ZNF844: variants seen among roughly 807,000 people sequenced by gnomAD.
ZNF844 encodes the protein zinc finger protein 844.
In ZNF844, 11 loss-of-function variants were observed where a neutral mutation model predicts 11.4. The observed-to-expected ratio is 0.97, with a 90% CI of 0.61 to 1.60. The LOEUF (loss-of-function observed/expected upper bound fraction) is 1.60, where lower values mean the gene tolerates loss of function less well. Ranked by LOEUF, ZNF844 falls within the 40% of genes most tolerant of loss-of-function variation. The probability of loss-of-function intolerance (pLI) is 0.00; values close to 1 mark genes in which losing one functional copy is unlikely to be tolerated. For synonymous variants in ZNF844, 248 were observed against 260.3 expected (o/e 0.95, Z 0.46); for missense variants, 790 against 796.8 (o/e 0.99, Z 0.10).
intron 1 of ZNF844, among the ~76,000 whole-genome samples, chr19:12,072,836 C>T (rs562817951): frequency 5.9e-5 from 9 of 152,222 alleles, no homozygotes; most frequent in East Asian, 5.8e-4. Context: ...CCACCCACCT[C>T]GGCCTCCCAA....
At position 12,079,060 on chromosome 19, in the gene ZNF844, G is replaced by A. The variant is rs1382266933; in HGVS notation, c.*1939G>A. 6.6e-6 allele frequency: 1 copy of A among 151,834 alleles called. No homozygotes were observed. The highest frequency in any genetic ancestry group is 1.5e-5 in the Non-Finnish European group (1 of 68,012). 9.4% of individuals were successfully genotyped at this position (151,834 alleles called of 1,614,324 possible). A position where few individuals can be genotyped will look rare whatever the true frequency, so the allele number is the denominator to read the frequency against. On this transcript the variant is annotated 3_prime_UTR_variant, in exon 4 of 4. Coordinates refer to ENST00000439326, the MANE Select transcript of ZNF844 (RefSeq NM_001136501.3). ...AGACGGGGCTTCACTATGTTGGCCA[G>A]GTTCGTCTCGAACTCCTGACCTCAG...
At chr19:12,069,903 C>T (rs1975734751) in intron 1 of ZNF844, among the ~76,000 whole-genome samples, 1 of 141,740 alleles carries the variant, frequency 7.1e-6, no homozygotes, top group African/African-American at 2.7e-5. Context: ...TGCGGAGAGC[C>T]AAGTTTGCGC....
In ZNF844 at chr19:12,080,289, G is replaced by A; in HGVS notation, c.*3168G>A. The stretch of plus-strand genomic sequence containing the variant: ...GGCGTGAATCCAGGAGGCAGAGCTT[G>A]CAGTGAACCGAGATCGCGCCACTGC... On this transcript the variant is annotated 3_prime_UTR_variant, in exon 4 of 4. Transcript: ENST00000439326. 1 of 249,008 alleles carries A rather than the reference G, an allele frequency of 4.0e-6. No homozygotes were observed. The highest frequency in any genetic ancestry group is 7.7e-6 in the Non-Finnish European group (1 of 129,632). 15.4% of individuals were successfully genotyped at this position (249,008 alleles called of 1,614,324 possible). A position where few individuals can be genotyped will look rare whatever the true frequency, so the allele number is the denominator to read the frequency against.
chr19:12,068,308 CAAAAAAT>C (rs1792859949), intron 1 of ZNF844, among the ~76,000 whole-genome samples: 2 of 151,474 alleles, frequency 1.3e-5, no homozygotes, highest in Non-Finnish European at 2.9e-5. Context: ...GAAACTGTCT[CAAAAAAT>C]AAAAATAGAG....
chr19:12,075,720 GT>G lies in ZNF844; in HGVS notation c.604del (p.Cys202ValfsTer128). On this transcript the variant is annotated frameshift_variant, in exon 4 of 4. Transcript: ENST00000439326. LOFTEE classifies it low-confidence loss of function (END_TRUNC). The part of the protein sequence containing the change: ...HNGDGTYKCK[F>X]CGKACPCLSI... Reference sequence around the variant, plus strand: ...ATGGAGATGGAACTTATAAATGTAAGTTTTGTGGGAAAGCCTGCCCTTGTCT... The same window carrying G: ...ATGGAGATGGAACTTATAAATGTAAGTTTGTGGGAAAGCCTGCCCTTGTCT... 2 of 1,613,962 alleles carry G rather than the reference GT, an allele frequency of 1.2e-6. No homozygotes were observed. Among genetic ancestry groups the G allele is most frequent in the Non-Finnish European group, 1.7e-6 (2 of 1,179,970 alleles).
intron 1 of ZNF844, among the ~76,000 whole-genome samples, chr19:12,065,093 C>A (rs1975673245): frequency 6.6e-6 from 1 of 151,492 alleles, no homozygotes; most frequent in African/African-American, 2.4e-5. Context: ...CCTGTCTCGT[C>A]GCCGCGCGGC....
chr19:12,073,316 C>G (rs928840854), intron 1 of ZNF844, among the ~76,000 whole-genome samples: 5 of 152,082 alleles, frequency 3.3e-5, no homozygotes, highest in African/African-American at 1.2e-4. Flanking sequence ...TACACCACCA[C>G]GCCCAGCTAA....
Position 12,075,996 on chromosome 19 carries a change from G to C in ZNF844, c.876G>C (p.Trp292Cys). The C allele has an allele frequency of 6.3e-7, 1 of 1,581,266 alleles. No homozygotes were observed. Among genetic ancestry groups the C allele is most frequent in the Non-Finnish European group, 8.6e-7 (1 of 1,163,368 alleles). Residue 292 changes from tryptophan to cysteine, a missense_variant, in exon 4 of 4, where the codon TGG (tryptophan) becomes TGC (cysteine). Physicochemically the swap from Trp to Cys is radical, Grantham distance 215. Around this residue, in one of 3 missense-constraint regions of ZNF844, gnomAD observed 657 missense variants for 636.2 expected, o/e 1.03. Transcript: ENST00000439326. ...AACAATGTGGAAAAGCCTTCAGATG[G>C]TTCCATTCCTTTCAAATACATGAAA... ...ECKQCGKAFR[W>C]FHSFQIHERT... is the part of the protein sequence containing the mutation.
intron 1 of ZNF844, chr19:12,070,302 A>G (rs1728163796): frequency 6.6e-6 from 1 of 152,202 alleles, no homozygotes; most frequent in African/African-American, 2.4e-5. Context: ...ATTTCACAAG[A>G]TAATTCACCA....
intron 1 of ZNF844, chr19:12,070,149 A>G (rs1975739704): frequency 1.3e-5 from 2 of 151,870 alleles, no homozygotes; most frequent in African/African-American, 4.8e-5. Flanking sequence ...AAAAAAAAAA[A>G]AAAGAAACTG....
chr19:12,077,600 G>A lies in ZNF844; in HGVS notation c.*479G>A, dbSNP rs1975846136. 3 of 559,966 alleles carry A rather than the reference G, an allele frequency of 5.4e-6. No homozygotes were observed. The highest frequency in any genetic ancestry group is 7.0e-6 in the Non-Finnish European group (2 of 285,144). The allele number at this position is 559,966 out of a possible 1,614,324, so 34.7% of individuals were successfully genotyped here. On this transcript the variant is annotated 3_prime_UTR_variant, in exon 4 of 4. Coordinates refer to ENST00000439326, the MANE Select transcript of ZNF844 (RefSeq NM_001136501.3). ...TCAGATCTGCCACTCAACTTCAGAT[G>A]CATAGAAAGATTCACACTGGCGAGA...
chr19:12,075,611 C>T lies in ZNF844; in HGVS notation c.491C>T (p.Thr164Ile), dbSNP rs750809823. ...TTTCAAATGCAAGAAAAGGCTCACA[C>T]TGGAGAAAAACTCTATGATTGTAAA... is the stretch of plus-strand genomic sequence containing the variant. ...PSFQMQEKAH[T>I]GEKLYDCKEC... is the part of the protein sequence containing the mutation. Residue 164 changes from threonine (T) to isoleucine (I), a missense_variant, in exon 4 of 4, where the codon ACT (threonine) becomes ATT (isoleucine). Physicochemically the swap from Thr to Ile is moderately conservative, Grantham distance 89. Transcript: ENST00000439326. 99 of 1,613,344 alleles carry T rather than the reference C, an allele frequency of 6.1e-5. No individual in the cohort carries two copies. Among genetic ancestry groups the T allele is most frequent in the Non-Finnish European group, 8.1e-5 (96 of 1,179,840 alleles).
In ZNF844 at chr19:12,075,870, G is replaced by A; in HGVS notation, c.750G>A (p.Glu250=). The change falls in exon 4 of 4, where the codon GAG becomes GAA. Residue 250 remains glutamate (E), a synonymous_variant. Transcript: ENST00000439326. ...LQIHERTHTG[E]KPYECKECGK... Reference sequence around the variant, plus strand: ...TACATGAAAGAACTCACACTGGAGAGAAGCCTTATGAATGTAAGGAATGTG... The same window carrying A: ...TACATGAAAGAACTCACACTGGAGAAAAGCCTTATGAATGTAAGGAATGTG... 1 of 1,611,390 alleles carries A rather than the reference G, an allele frequency of 6.2e-7. No individual in the cohort carries two copies. The highest frequency in any genetic ancestry group is 8.5e-7 in the Non-Finnish European group (1 of 1,178,722).
intron 3 of ZNF844, among the ~76,000 whole-genome samples, chr19:12,074,695 A>T (rs1190724709): frequency 6.6e-6 from 1 of 152,158 alleles, no homozygotes; most frequent in Non-Finnish European, 1.5e-5. Context: ...TTCATCTCAA[A>T]CAAAGAACTA....
chr19:12,064,978 C>G, intron 1 of ZNF844, 102 bp downstream of exon 1: 1 of 1,318,838 alleles, frequency 7.6e-7, no homozygotes, highest in Non-Finnish European at 1.0e-6. Flanking sequence ...CGGACCTCCC[C>G]GCGGCGACTC....
rs147997941 is a variant in ZNF844, at chr19:12,066,186, A to G, written c.3+1310A>G. 6.0e-4 allele frequency among the ~76,000 whole-genome samples: 92 copies of G among 152,082 alleles called. 9 individuals carry two copies. The East Asian group carries it at 0.017, about 28-fold the overall frequency. ...AGCGATCTGCTCACCTCGGCCCCCC[A>G]AAGTGCTGGGTTTACAGGTGTGAGC... On this transcript the variant is annotated intron_variant, in intron 1 of 3. Coordinates refer to ENST00000439326, the MANE Select transcript of ZNF844 (RefSeq NM_001136501.3).
rs1412290080 is a variant in ZNF844, at chr19:12,080,299, G to A, written c.*3178G>A. The A allele has an allele frequency of 4.0e-6, 1 of 247,288 alleles. No homozygotes were observed. The highest frequency in any genetic ancestry group is 7.7e-6 in the Non-Finnish European group (1 of 130,272). 15.3% of individuals were successfully genotyped at this position (247,288 alleles called of 1,614,324 possible). The stretch of plus-strand genomic sequence containing the variant: ...CAGGAGGCAGAGCTTGCAGTGAACC[G>A]AGATCGCGCCACTGCACTCCAGCGG... On this transcript the variant is annotated 3_prime_UTR_variant, in exon 4 of 4. Transcript: ENST00000439326.
intron 1 of ZNF844, among the ~76,000 whole-genome samples, chr19:12,067,246 C>T (rs1975699068): frequency 6.6e-6 from 1 of 151,838 alleles, no homozygotes; most frequent in African/African-American, 2.4e-5. Context: ...GCCAGTCAGT[C>T]AAGGCTGCAC....
At position 12,064,786 on chromosome 19, in the gene ZNF844, A is replaced by G. The variant is rs1486988366; in HGVS notation, c.-88A>G. 1 of 1,454,176 alleles carries G rather than the reference A, an allele frequency of 6.9e-7. No individual in the cohort carries two copies. The highest frequency in any genetic ancestry group is 9.3e-7 in the Non-Finnish European group (1 of 1,073,056). The allele number at this position is 1,454,176 out of a possible 1,614,324, so 90.1% of individuals were successfully genotyped here. Reference sequence around the variant, plus strand: ...GGCACCCCGTTTTTCCTGCTCTGAGAGGGACCGGTTGCCACCGCCATACTT... The same window carrying G: ...GGCACCCCGTTTTTCCTGCTCTGAGGGGGACCGGTTGCCACCGCCATACTT... On this transcript the variant is annotated 5_prime_UTR_variant, in exon 1 of 4. Transcript: ENST00000439326.
Sources: gnomAD v4.1 joint callset for allele counts (sites outside exome capture counted in the v4.1 genomes callset) on GRCh38, gnomAD v4.1.1 for gene constraint, gnomAD v4.1.1 regional missense constraint, MANE v1.5 for transcripts, NCBI Gene and HGNC (gene_info 2026-07-23, HGNC 2026-07-21) for gene names.